The following ACBD6 variants were observed in gnomAD, a reference collection of about 807,000 sequenced individuals.
The protein encoded by ACBD6 is acyl-CoA-binding domain-containing protein 6.
A neutral mutation model predicts 37.2 loss-of-function variants in ACBD6; 28 were observed. The observed-to-expected ratio is 0.75, with a 90% CI of 0.56 to 1.03. The LOEUF is 1.03. Ranked by LOEUF, ACBD6 falls within the 50% of genes least tolerant of loss-of-function variation. The pLI is 0.00. For missense variants in ACBD6, 340 were observed against 337.4 expected, an observed-to-expected ratio of 1.01 and a Z score of -0.06; for synonymous variants, 113 against 126.8, an observed-to-expected ratio of 0.89 and a Z score of 0.73.
chr1:180,330,656 T>C (rs1168122534), intron 6 of ACBD6, among the ~76,000 whole-genome samples: 1 of 152,216 alleles, frequency 6.6e-6, no homozygotes, highest in Non-Finnish European at 1.5e-5. Context: ...GTATTACTGA[T>C]TATTCATCCC....
intron 3 of ACBD6, among the ~76,000 whole-genome samples, chr1:180,462,078 A>C (rs60509208): frequency 0.042 from 6,425 of 152,144 alleles, 427 homozygotes; most frequent in African/African-American, 0.14. Flanking sequence ...TCTACTAAAA[A>C]TATAAAAATT....
At chr1:180,328,946 C>T (rs1651367709) in intron 6 of ACBD6, among the ~76,000 whole-genome samples, 1 of 152,066 alleles carries the variant, frequency 6.6e-6, no homozygotes, top group Non-Finnish European at 1.5e-5. Context: ...TAACTGGCAT[C>T]TTTATGGAAT....
chr1:180,452,573 C>G (rs558277309), intron 3 of ACBD6, among the ~76,000 whole-genome samples: 2 of 151,808 alleles, frequency 1.3e-5, no homozygotes, highest in East Asian at 3.9e-4. Context: ...AAGATCAGAG[C>G]AGAACTGAAG....
chr1:180,357,880 T>C (rs1652688167), intron 6 of ACBD6, among the ~76,000 whole-genome samples: 1 of 152,212 alleles, frequency 6.6e-6, no homozygotes, highest in Non-Finnish European at 1.5e-5. Flanking sequence ...TCATAAGCTC[T>C]TGTAATTCTT....
chr1:180,380,539 C>A (rs900472237), intron 6 of ACBD6, among the ~76,000 whole-genome samples: 1 of 151,978 alleles, frequency 6.6e-6, no homozygotes, highest in South Asian at 2.1e-4. Context: ...GGGAATTCAT[C>A]GCCCTAGACT....
intron 4 of ACBD6, among the ~76,000 whole-genome samples, chr1:180,424,873 A>G (rs562772103): frequency 2.0e-5 from 3 of 152,160 alleles, no homozygotes; most frequent in African/African-American, 7.2e-5. Flanking sequence ...GCATCATGAC[A>G]CTGAGCACAC....
At chr1:180,419,573 T>C (rs966833420) in intron 4 of ACBD6, among the ~76,000 whole-genome samples, 4 of 152,198 alleles carry the variant, frequency 2.6e-5, no homozygotes, top group African/African-American at 9.7e-5. Context: ...ACCCCCTGCA[T>C]AGTCAAAAAT....
chr1:180,301,708 G>A (rs748930334), intron 7 of ACBD6, among the ~76,000 whole-genome samples: 2 of 152,030 alleles, frequency 1.3e-5, no homozygotes, highest in Admixed American at 6.6e-5. Context: ...TTATGGTAGT[G>A]TACTAAACAC....
At chr1:180,328,052 T>C (rs1246857963) in intron 6 of ACBD6, among the ~76,000 whole-genome samples, 1 of 152,154 alleles carries the variant, frequency 6.6e-6, no homozygotes, top group Non-Finnish European at 1.5e-5. Context: ...ATTAAATACA[T>C]AGCTCAGGAT....
intron 6 of ACBD6, among the ~76,000 whole-genome samples, chr1:180,336,394 A>G (rs199690609): frequency 0.13 from 19,371 of 150,616 alleles, 1,334 homozygotes; most frequent in African/African-American, 0.16. Flanking sequence ...AAACTGAACA[A>G]CCTGCTCCTG....
downstream of ACBD6, among the ~76,000 whole-genome samples, chr1:180,284,154 T>C (rs1195638937): frequency 6.6e-6 from 1 of 152,164 alleles, no homozygotes; most frequent in Non-Finnish European, 1.5e-5. Flanking sequence ...AAATTGACCA[T>C]ACTTGGTGCA....
At position 180,502,486 on chromosome 1, in the gene ACBD6, A is replaced by T; in HGVS notation, c.-220T>A. 1 of 591,544 alleles carries T rather than the reference A, an allele frequency of 1.7e-6. No homozygotes were observed. Among genetic ancestry groups the T allele is most frequent in the Non-Finnish European group, 3.0e-6 (1 of 330,924 alleles). The allele number at this position is 591,544 out of a possible 1,614,324, so 36.6% of individuals were successfully genotyped here. ...TCCTCGACCCTCTGCCGCTCTGCCC[A>T]GTCGACCCGGTCTCCTCCGGCTTCC... On this transcript the variant is annotated 5_prime_UTR_variant, in exon 1 of 8. Transcript: ENST00000367595.
intron 6 of ACBD6, among the ~76,000 whole-genome samples, chr1:180,331,489 G>A (rs943617321): frequency 2.0e-5 from 3 of 152,116 alleles, no homozygotes; most frequent in African/African-American, 4.8e-5. Flanking sequence ...GGATATCATA[G>A]GACTTTGCCA....
At chr1:180,328,062 T>C (rs969304289) in intron 6 of ACBD6, among the ~76,000 whole-genome samples, 9 of 152,136 alleles carry the variant, frequency 5.9e-5, no homozygotes, top group Non-Finnish European at 1.0e-4. Context: ...TAGCTCAGGA[T>C]TGGTACAAGG....
intron 3 of ACBD6, among the ~76,000 whole-genome samples, chr1:180,437,032 T>C (rs1261178453): frequency 6.6e-6 from 1 of 152,202 alleles, no homozygotes; most frequent in Non-Finnish European, 1.5e-5. Flanking sequence ...CCCATCAGCT[T>C]GGGTACATGT....
intron 6 of ACBD6, among the ~76,000 whole-genome samples, chr1:180,366,196 T>C (rs984586085): frequency 3.9e-5 from 6 of 152,230 alleles, no homozygotes; most frequent in African/African-American, 1.4e-4. Flanking sequence ...TTAAGGCAGA[T>C]GATTAACTAA....
intron 7 of ACBD6, among the ~76,000 whole-genome samples, chr1:180,291,614 T>C (rs893132296): frequency 6.6e-6 from 1 of 152,164 alleles, no homozygotes; most frequent in Non-Finnish European, 1.5e-5. Flanking sequence ...TTTTTCCAAA[T>C]ATATGTTTTA....
intron 7 of ACBD6, among the ~76,000 whole-genome samples, chr1:180,312,835 G>A (rs1650645931): frequency 6.6e-6 from 1 of 152,146 alleles, no homozygotes; most frequent in African/African-American, 2.4e-5. Flanking sequence ...ACAAATCTCT[G>A]AAGTTACTAT....
intron 6 of ACBD6, among the ~76,000 whole-genome samples, chr1:180,371,118 G>A (rs1402874423): frequency 3.3e-5 from 5 of 151,772 alleles, no homozygotes; most frequent in Admixed American, 6.6e-5. Flanking sequence ...TTTGAATCTT[G>A]ACTGTATAGT....
Sources: allele counts gnomAD v4.1 joint callset (sites outside exome capture counted in the v4.1 genomes callset), GRCh38; gene constraint gnomAD v4.1.1; transcripts MANE v1.5; gene names NCBI Gene and HGNC (gene_info 2026-07-23, HGNC 2026-07-21).